Variants in ZNG1A observed in about 807,000 individuals in gnomAD.
ZNG1A encodes Zn regulated GTPase metalloprotein activator 1A.
the ZNG1A span, chr9:148,532 CTTTGGAGATAAAACCATGA>C: frequency 1.0e-5 from 1 of 98,840 alleles, no homozygotes; most frequent in Non-Finnish European, 2.1e-5. Context: ...TAATTTCCTC[CTTTGGAGATAAAACCATGA>C]GATCTTTTCC....
At chr9:137,231 C>G in the ZNG1A span, among the ~76,000 whole-genome samples, 1 of 150,988 alleles carries the variant, frequency 6.6e-6, no homozygotes, top group Non-Finnish European at 1.5e-5. Flanking sequence ...CATGGTAGTG[C>G]GTGCCTATAG....
the ZNG1A span, chr9:177,698 T>G: frequency 7.1e-7 from 1 of 1,407,794 alleles, no homozygotes; most frequent in East Asian, 2.5e-5. Context: ...TTCAGATCAT[T>G]TTCTCCAGTG....
At chr9:155,107 T>G in the ZNG1A span, among the ~76,000 whole-genome samples, 9 of 151,664 alleles carry the variant, frequency 5.9e-5, no homozygotes, top group African/African-American at 2.2e-4. Context: ...TCAAAAAGTT[T>G]ACAATCAAAA....
chr9:124,039 G>T, the ZNG1A span, among the ~76,000 whole-genome samples: 5 of 152,196 alleles, frequency 3.3e-5, no homozygotes, highest in Non-Finnish European at 5.9e-5. Context: ...TGTGCCAAGA[G>T]GAGAAGAGTT....
the ZNG1A span, chr9:121,505 A>G: frequency 6.2e-7 from 1 of 1,611,506 alleles, no homozygotes; most frequent in Non-Finnish European, 8.5e-7. Flanking sequence ...CGTGTTGTCC[A>G]CTGCTTTTCT....
the ZNG1A span, among the ~76,000 whole-genome samples, chr9:135,206 G>C: frequency 6.6e-6 from 1 of 150,448 alleles, no homozygotes; most frequent in Non-Finnish European, 1.5e-5. Context: ...GGCAGATTAA[G>C]TTTTTTAAAA....
the ZNG1A span, among the ~76,000 whole-genome samples, chr9:139,451 T>C: frequency 6.7e-6 from 1 of 150,314 alleles, no homozygotes; most frequent in Non-Finnish European, 1.5e-5. Flanking sequence ...CACATCCTCA[T>C]GCCTATAGTT....
chr9:162,385 T>C, the ZNG1A span: 1 of 1,399,520 alleles, frequency 7.1e-7, no homozygotes, highest in Non-Finnish European at 9.6e-7. Flanking sequence ...AATCCCCATA[T>C]TCCCAGCTCT....
chr9:128,996 G>A, the ZNG1A span, among the ~76,000 whole-genome samples: 6 of 151,746 alleles, frequency 4.0e-5, no homozygotes, highest in African/African-American at 1.5e-4. Flanking sequence ...GGCTGGTACT[G>A]GGGGGTAGTC....
the ZNG1A span, among the ~76,000 whole-genome samples, chr9:168,560 A>AT: frequency 1.3e-5 from 2 of 150,222 alleles, no homozygotes; most frequent in Non-Finnish European, 2.9e-5. Flanking sequence ...CCAGCAACAG[A>AT]TTTTTAATGG....
At chr9:157,932 CTATTT>C in the ZNG1A span, among the ~76,000 whole-genome samples, 2 of 151,514 alleles carry the variant, frequency 1.3e-5, no homozygotes, top group Admixed American at 1.3e-4. Flanking sequence ...TCAGCAAATT[CTATTT>C]TGAGGAAAAC....
the ZNG1A span, among the ~76,000 whole-genome samples, chr9:124,902 T>G: frequency 6.6e-6 from 1 of 151,376 alleles, no homozygotes; most frequent in Non-Finnish European, 1.5e-5. Flanking sequence ...TTTTTATGGC[T>G]GAGGAGTATT....
the ZNG1A span, chr9:156,380 G>C: frequency 1.2e-5 from 17 of 1,442,920 alleles, no homozygotes; most frequent in South Asian, 2.1e-4. Context: ...AATTTTCCTT[G>C]ACTATGTTTT....
the ZNG1A span, among the ~76,000 whole-genome samples, chr9:174,146 CAA>C: frequency 5.4e-5 from 5 of 92,602 alleles, no homozygotes. Flanking sequence ...GACTCCATCT[CAA>C]AAAAAAAAAA....
chr9:177,783 A>G, the ZNG1A span: 6 of 1,536,082 alleles, frequency 3.9e-6, no homozygotes, highest in East Asian at 2.5e-5. Context: ...TTGGACAAGA[A>G]ATTTGTTCAT....
chr9:149,600 C>A, the ZNG1A span, among the ~76,000 whole-genome samples: 1 of 149,306 alleles, frequency 6.7e-6, no homozygotes, highest in Non-Finnish European at 1.5e-5. Context: ...ATATTAATAT[C>A]TATTATGTTG....
the ZNG1A span, among the ~76,000 whole-genome samples, chr9:124,005 G>C: frequency 0.035 from 5,382 of 152,008 alleles, 100 homozygotes; most frequent in Middle Eastern, 0.072. Context: ...AGAAAGGCTT[G>C]GCTTATCTTT....
At chr9:156,870 C>A in the ZNG1A span, among the ~76,000 whole-genome samples, 4 of 152,076 alleles carry the variant, frequency 2.6e-5, no homozygotes, top group African/African-American at 9.7e-5. Context: ...TAGGTATTTT[C>A]CTTCTTAAAA....
the ZNG1A span, among the ~76,000 whole-genome samples, chr9:161,404 G>A: frequency 6.7e-6 from 1 of 150,304 alleles, no homozygotes; most frequent in East Asian, 2.0e-4. Context: ...GGAGGTGGAG[G>A]TTGCAGTGAG....
Sources: allele counts gnomAD v4.1 joint callset (sites outside exome capture counted in the v4.1 genomes callset), GRCh38; gene constraint gnomAD v4.1.1; transcripts MANE v1.5; gene names NCBI Gene and HGNC (gene_info 2026-07-23, HGNC 2026-07-21).